NKAIN2: variants seen among roughly 807,000 people sequenced by gnomAD.
The protein encoded by NKAIN2 is sodium/potassium-transporting ATPase subunit beta-1-interacting protein 2.
Under a neutral mutation model 32.6 loss-of-function variants are expected in NKAIN2, and 14 were observed. The observed-to-expected ratio is 0.43, with a 90% confidence interval of 0.28 to 0.67. The LOEUF is 0.67. Ranked by LOEUF, NKAIN2 falls within the 30% of genes least tolerant of loss-of-function variation. The pLI, the probability that NKAIN2 is intolerant of heterozygous loss-of-function variation, is 0.17. For missense variants in NKAIN2, 198 were observed against 258.3 expected (o/e 0.77, Z 1.60); for synonymous variants, 80 against 87.2 (o/e 0.92, Z 0.46).
chr6:124,025,024 AT>A (rs1426173443), intron 1 of NKAIN2, among the ~76,000 whole-genome samples: 1 of 152,092 alleles, frequency 6.6e-6, no homozygotes, highest in Non-Finnish European at 1.5e-5. Flanking sequence ...TTACTCAAGT[AT>A]GTTTCAGATA....
At chr6:124,749,367 T>C (rs1209503671) in intron 4 of NKAIN2, among the ~76,000 whole-genome samples, 1 of 152,040 alleles carries the variant, frequency 6.6e-6, no homozygotes, top group African/African-American at 2.4e-5. Flanking sequence ...GAAGTTCCTT[T>C]AGCTATGTCA....
At chr6:123,877,448 T>C (rs1343702075) in intron 1 of NKAIN2, among the ~76,000 whole-genome samples, 3 of 152,204 alleles carry the variant, frequency 2.0e-5, no homozygotes, top group African/African-American at 7.2e-5. Context: ...TCATCTGTAA[T>C]TGGAATTTTA....
chr6:124,782,385 G>T (rs373945837), intron 4 of NKAIN2, among the ~76,000 whole-genome samples: 1 of 152,198 alleles, frequency 6.6e-6, no homozygotes, highest in East Asian at 1.9e-4. Context: ...CTAAAAAGAA[G>T]GAAATGTTAA....
At chr6:124,367,207 A>T (rs181390973) in intron 3 of NKAIN2, among the ~76,000 whole-genome samples, 12 of 152,288 alleles carry the variant, frequency 7.9e-5, no homozygotes, top group African/African-American at 2.9e-4. Context: ...AAATGCAATA[A>T]GTTGTTCTTA....
At chr6:124,153,302 G>T (rs767672516) in intron 1 of NKAIN2, among the ~76,000 whole-genome samples, 1 of 151,568 alleles carries the variant, frequency 6.6e-6, no homozygotes, top group Non-Finnish European at 1.5e-5. Flanking sequence ...AATATAAAAA[G>T]CAGATCTCTA....
chr6:124,791,690 G>T (rs1041401902), intron 5 of NKAIN2, among the ~76,000 whole-genome samples: 9 of 152,232 alleles, frequency 5.9e-5, no homozygotes, highest in South Asian at 4.1e-4. Context: ...GGAGATTGGA[G>T]ATGGAAATGA....
At chr6:124,059,931 C>G (rs1253830259) in intron 1 of NKAIN2, among the ~76,000 whole-genome samples, 1 of 152,164 alleles carries the variant, frequency 6.6e-6, no homozygotes, top group East Asian at 1.9e-4. Flanking sequence ...AATGGAGAAG[C>G]AGAGTACCTT....
At chr6:124,499,624 C>A (rs1345604461) in intron 3 of NKAIN2, among the ~76,000 whole-genome samples, 2 of 152,038 alleles carry the variant, frequency 1.3e-5, no homozygotes, top group Non-Finnish European at 2.9e-5. Context: ...TATGCATTTT[C>A]ACAAGACTTT....
rs529066127 is a variant in NKAIN2 at position 124,359,522 on chromosome 6, C to G, written c.273+4175C>G. Among the ~76,000 whole-genome samples the G allele has an allele frequency of 1.4e-3, 210 of 152,184 alleles. 1 individual carries two copies. The highest frequency in any genetic ancestry group is 4.4e-3 in the African/African-American group (181 of 41,528). ...AAGTTGGAGTCCTAGGTATTTTATTCTCTTTGAAGCAATTGTGAATGGGAG... is the reference window on the plus strand; with the variant it reads ...AAGTTGGAGTCCTAGGTATTTTATTGTCTTTGAAGCAATTGTGAATGGGAG... On this transcript the variant is annotated intron_variant, in intron 3 of 6. Coordinates refer to ENST00000368417, the MANE Select transcript of NKAIN2 (RefSeq NM_001040214.3).
chr6:124,583,185 G>T (rs1781583961), intron 3 of NKAIN2, among the ~76,000 whole-genome samples: 1 of 149,542 alleles, frequency 6.7e-6, no homozygotes, highest in Non-Finnish European at 1.5e-5. Flanking sequence ...ATCTTTGTTT[G>T]CATATGGTAT....
At position 124,587,991 on chromosome 6, in the gene NKAIN2, G is replaced by C. The variant is rs116297006; in HGVS notation, c.274-70195G>C. The stretch of plus-strand genomic sequence containing the variant: ...CAATCCTCCTAAATCACCATCTCTA[G>C]AAAACTCATTTTTCTGCAAGAAATC... On this transcript the variant is annotated intron_variant, in intron 3 of 6. Transcript: ENST00000368417. Among the ~76,000 whole-genome samples the C allele has an allele frequency of 2.7e-3, 410 of 151,514 alleles. 1 individual carries two copies. The highest frequency in any genetic ancestry group is 9.6e-3 in the African/African-American group (393 of 41,028).
chr6:123,883,009 C>G (rs139840829), intron 1 of NKAIN2, among the ~76,000 whole-genome samples: 12 of 151,970 alleles, frequency 7.9e-5, no homozygotes, highest in Non-Finnish European at 1.8e-4. Flanking sequence ...TTGTATTATA[C>G]ACGCATTGAT....
At chr6:124,126,580 C>A (rs1241636283) in intron 1 of NKAIN2, among the ~76,000 whole-genome samples, 1 of 92,914 alleles carries the variant, frequency 1.1e-5, no homozygotes, top group Non-Finnish European at 2.4e-5. Flanking sequence ...ATCATCCCTA[C>A]TGGAGGACAC....
rs780307071 is a variant in NKAIN2 at position 123,956,019 on chromosome 6, A to G, written c.54+151765A>G. Among the ~76,000 whole-genome samples, 130 of 152,208 alleles carry G rather than the reference A, an allele frequency of 8.5e-4. 3 individuals carry two copies. Among genetic ancestry groups the G allele is most frequent in the Non-Finnish European group, 2.2e-4 (15 of 68,042 alleles). On this transcript the variant is annotated intron_variant, in intron 1 of 6. Coordinates refer to ENST00000368417, the MANE Select transcript of NKAIN2 (RefSeq NM_001040214.3). ...GCTGGATGCATTATTTTAAAAATGCATGGATGCTTAACTTGGGAGAATCTG... is the reference window on the plus strand; with the variant it reads ...GCTGGATGCATTATTTTAAAAATGCGTGGATGCTTAACTTGGGAGAATCTG...
chr6:124,169,513 G>C (rs569834152), intron 1 of NKAIN2, among the ~76,000 whole-genome samples: 7 of 152,156 alleles, frequency 4.6e-5, no homozygotes, highest in African/African-American at 1.7e-4. Context: ...CCTAAATATA[G>C]TTTCTCAAAT....
At chr6:123,807,258 A>C (rs775466187) in intron 1 of NKAIN2, among the ~76,000 whole-genome samples, 1 of 152,230 alleles carries the variant, frequency 6.6e-6, no homozygotes, top group South Asian at 2.1e-4. Flanking sequence ...CTGTTTCCAT[A>C]TATATCATAA....
Position 124,474,958 on chromosome 6 carries a change from A to G in NKAIN2, c.273+119611A>G, listed in dbSNP as rs1777140671. On this transcript the variant is annotated intron_variant, in intron 3 of 6. Transcript: ENST00000368417. ...AGGTATATATCATATATACATATAT[A>G]TATAACGTATAGACACGCATGCATA... 2.0e-5 allele frequency among the ~76,000 whole-genome samples: 3 copies of G among 148,600 alleles called. No homozygotes were observed. In the South Asian group the frequency reaches 6.3e-4, roughly 31 times the overall value.
intron 1 of NKAIN2, among the ~76,000 whole-genome samples, chr6:124,156,587 C>T (rs539502246): frequency 3.3e-5 from 5 of 152,166 alleles, no homozygotes; most frequent in East Asian, 3.9e-4. Flanking sequence ...GATCATCACA[C>T]GGCACAAGTT....
chr6:124,516,415 G>A (rs1215162587), intron 3 of NKAIN2, among the ~76,000 whole-genome samples: 1 of 151,982 alleles, frequency 6.6e-6, no homozygotes, highest in Non-Finnish European at 1.5e-5. Flanking sequence ...AAGAAAAAAA[G>A]CAACGCTTTC....
Sources: allele counts gnomAD v4.1 joint callset (sites outside exome capture counted in the v4.1 genomes callset), GRCh38; gene constraint gnomAD v4.1.1; transcripts MANE v1.5; gene names NCBI Gene and HGNC (gene_info 2026-07-23, HGNC 2026-07-21).